The following ATMIN variants were observed in gnomAD, a reference collection of about 807,000 sequenced individuals.
ATMIN encodes the protein ATM INteracting protein.
Under a neutral mutation model 49.2 loss-of-function variants are expected in ATMIN, and 24 were observed. The ratio of observed to expected loss-of-function variants is 0.49; its 90% CI spans 0.35 to 0.69. ATMIN has a LOEUF of 0.69. ATMIN is among the 30% of genes least tolerant of loss of function. The pLI is 0.00. For missense variants in ATMIN, 1,037 were observed against 1,005.5 expected, an observed-to-expected ratio of 1.03 and a Z score of -0.42; for synonymous variants, 450 against 392.5, an observed-to-expected ratio of 1.15 and a Z score of -1.73.
At position 81,041,462 on chromosome 16, in the gene ATMIN, A is replaced by T. The variant is rs775156346; in HGVS notation, c.443A>T (p.Gln148Leu). The T allele has an allele frequency of 1.2e-6, 2 of 1,608,904 alleles. No homozygotes were observed. The highest frequency in any genetic ancestry group is 1.7e-6 in the Non-Finnish European group (2 of 1,178,854). Residue 148 changes from glutamine (Q) to leucine (L), a missense_variant, in exon 2 of 4, where the codon CAG (glutamine) becomes CTG (leucine). By Grantham distance (113) the Gln-to-Leu change is moderately radical. Coordinates refer to ENST00000299575, the MANE Select transcript of ATMIN (RefSeq NM_015251.3). ...CPRGPERPFS[Q>L]FSLVKQHFMK... ...AGAGGCCCTGAGAGACCGTTTTCTC[A>T]GTTTTCTCTCGTAAAACAGGTACTC...
chr16:81,037,602 T>G (rs1181059820), intron 1 of ATMIN: 1 of 671,860 alleles, frequency 1.5e-6, no homozygotes, highest in Non-Finnish European at 1.8e-6. Flanking sequence ...ATACTAAATT[T>G]TAACTAAATC....
At position 81,044,175 on chromosome 16, in the gene ATMIN, T is replaced by A; in HGVS notation, c.1677T>A (p.Ile559=). 1 of 1,614,090 alleles carries A rather than the reference T, an allele frequency of 6.2e-7. No homozygotes were observed. The highest frequency in any genetic ancestry group is 8.5e-7 in the Non-Finnish European group (1 of 1,179,954). ...AGCCTAAGACTTTAAATCAAGATATTGAGAAATCTGCACCAATTATAAATT... is the reference window on the plus strand; with the variant it reads ...AGCCTAAGACTTTAAATCAAGATATAGAGAAATCTGCACCAATTATAAATT... ...QNEPKTLNQD[I]EKSAPIINFS... is the part of the protein sequence containing the mutation. Residue 559 remains isoleucine, a synonymous_variant, in exon 4 of 4, where the codon ATT becomes ATA. Coordinates refer to ENST00000299575, the MANE Select transcript of ATMIN (RefSeq NM_015251.3).
At position 81,045,601 on chromosome 16, in the gene ATMIN, A is replaced by G. The variant is rs1044691055; in HGVS notation, c.*631A>G. 1 of 152,698 alleles carries G rather than the reference A, an allele frequency of 6.5e-6. No homozygotes were observed. The highest frequency in any genetic ancestry group is 1.5e-5 in the Non-Finnish European group (1 of 68,450). The allele number at this position is 152,698 out of a possible 1,614,324, so 9.5% of individuals were successfully genotyped here. On this transcript the variant is annotated 3_prime_UTR_variant, in exon 4 of 4. Coordinates refer to ENST00000299575, the MANE Select transcript of ATMIN (RefSeq NM_015251.3). ...ATGTAATCATTGCCACCTCTTCGCT[A>G]CATGAACTACTATTGATACCAGCAT...
In ATMIN at chr16:81,046,813, C is replaced by T. The variant is rs892306838; in HGVS notation, c.*1843C>T. ...TTTTGCTACTAATTCCTATCCCATA[C>T]ATTTGACACAAAAGAAGTGTTGGTA... On this transcript the variant is annotated 3_prime_UTR_variant, in exon 4 of 4. Coordinates refer to ENST00000299575, the MANE Select transcript of ATMIN (RefSeq NM_015251.3). 6 of 152,632 alleles carry T rather than the reference C, an allele frequency of 3.9e-5. No individual in the cohort carries two copies. Among genetic ancestry groups the T allele is most frequent in the African/African-American group, 1.2e-4 (5 of 41,454 alleles). 9.5% of individuals were successfully genotyped at this position (152,632 alleles called of 1,614,324 possible).
At chr16:81,037,871 C>T (rs1054231697) in intron 1 of ATMIN, among the ~76,000 whole-genome samples, 2 of 151,984 alleles carry the variant, frequency 1.3e-5, no homozygotes, top group African/African-American at 4.8e-5. Context: ...ACTCCTGACC[C>T]TCAGGTGATC....
chr16:81,036,184 T>C lies in ATMIN; in HGVS notation c.314T>C (p.Leu105Pro). 2 of 1,459,696 alleles carry C rather than the reference T, an allele frequency of 1.4e-6. No homozygotes were observed. The highest frequency in any genetic ancestry group is 1.8e-6 in the Non-Finnish European group (2 of 1,099,100). The allele number at this position is 1,459,696 out of a possible 1,614,324, so 90.4% of individuals were successfully genotyped here. A position where few individuals can be genotyped will look rare whatever the true frequency, so the allele number is the denominator to read the frequency against. The change falls in exon 1 of 4, where the codon CTA becomes CCA. Residue 105 changes from leucine (L) to proline (P), a missense_variant. By Grantham distance (98) the Leu-to-Pro change is moderately conservative. Transcript: ENST00000299575. Reference sequence around the variant, plus strand: ...AACAGCCCCGCGCTCAACATGCACCTAGTCAAGAGCCACCGCCTGCAGGTG... The same window carrying C: ...AACAGCCCCGCGCTCAACATGCACCCAGTCAAGAGCCACCGCCTGCAGGTG... ...LPNSPALNMH[L>P]VKSHRLQDGI...
Position 81,044,799 on chromosome 16 carries a change from C to G in ATMIN, c.2301C>G (p.Thr767=), listed in dbSNP as rs1166681233. ...KVQLNSTETQ[T]MSSGFETLGS... ...AGTTGAACAGTACAGAAACACAGAC[C>G]ATGAGTTCTGGGTTTGAAACCCTGG... The change falls in exon 4 of 4, where the codon ACC becomes ACG. Residue 767 remains threonine, a synonymous_variant. Coordinates refer to ENST00000299575, the MANE Select transcript of ATMIN (RefSeq NM_015251.3). 2 of 1,614,050 alleles carry G rather than the reference C, an allele frequency of 1.2e-6. No homozygotes were observed. The highest frequency in any genetic ancestry group is 1.3e-5 in the African/African-American group (1 of 74,908).
chr16:81,037,578 G>T lies in ATMIN; in HGVS notation c.336+1372G>T, dbSNP rs192483252. 1.0e-4 allele frequency: 82 copies of T among 806,832 alleles called. No homozygotes were observed. In the African/African-American group the frequency reaches 1.5e-3, roughly 15 times the overall value. The allele number at this position is 806,832 out of a possible 1,614,324, so 50.0% of individuals were successfully genotyped here. A position where few individuals can be genotyped will look rare whatever the true frequency, so the allele number is the denominator to read the frequency against. On this transcript the variant is annotated intron_variant, in intron 1 of 3. Transcript: ENST00000299575. The stretch of plus-strand genomic sequence containing the variant: ...TAACTCTGGGAATGGCTTTCAACCT[G>T]TTGTTTTGTTTTCATACTAAATTTT...
chr16:81,044,513 C>T lies in ATMIN; in HGVS notation c.2015C>T (p.Thr672Ile). 6.2e-7 allele frequency: 1 copy of T among 1,614,102 alleles called. No individual in the cohort carries two copies. Among genetic ancestry groups the T allele is most frequent in the Non-Finnish European group, 8.5e-7 (1 of 1,180,036 alleles). Residue 672 changes from threonine (T) to isoleucine (I), a missense_variant, in exon 4 of 4, where the codon ACT (threonine) becomes ATT (isoleucine). Transcript: ENST00000299575. ...EPVLESLDIE[T>I]QTDFLLADTS... ...GTCTTGGAGTCACTGGACATAGAGA[C>T]TCAAACGGACTTCTTACTCGCAGAT...
chr16:81,037,620 T>TC, intron 1 of ATMIN: 1 of 547,056 alleles, frequency 1.8e-6, no homozygotes, highest in Non-Finnish European at 2.3e-6. Flanking sequence ...ATCCTTTTCT[T>TC]CCCTATTGTT....
chr16:81,043,967 C>T lies in ATMIN; in HGVS notation c.1469C>T (p.Ser490Phe), dbSNP rs745686701. 7 of 1,614,124 alleles carry T rather than the reference C, an allele frequency of 4.3e-6. No homozygotes were observed. Among genetic ancestry groups the T allele is most frequent in the Non-Finnish European group, 5.9e-6 (7 of 1,180,038 alleles). Reference protein sequence around the residue: ...MDTCFQSGGVSRETQTSGIES... With the variant: ...MDTCFQSGGVFRETQTSGIES... The stretch of plus-strand genomic sequence containing the variant: ...ACCTGTTTCCAGTCAGGTGGGGTCT[C>T]CAGAGAAACTCAAACCAGTGGGATA... The change falls in exon 4 of 4, where the codon TCC (serine) becomes TTC (phenylalanine). Residue 490 changes from serine to phenylalanine, a missense_variant. Coordinates refer to ENST00000299575, the MANE Select transcript of ATMIN (RefSeq NM_015251.3).
chr16:81,036,126 T>G lies in ATMIN; in HGVS notation c.256T>G (p.Cys86Gly). 1 of 1,463,020 alleles carries G rather than the reference T, an allele frequency of 6.8e-7. No individual in the cohort carries two copies. The highest frequency in any genetic ancestry group is 9.1e-7 in the Non-Finnish European group (1 of 1,099,912). The allele number at this position is 1,463,020 out of a possible 1,614,324, so 90.6% of individuals were successfully genotyped here. ...LSRAVRTNILCTVRGCGKILP... is the reference protein window; with the variant it reads ...LSRAVRTNILGTVRGCGKILP... Reference sequence around the variant, plus strand: ...CCGGGCCGTGCGGACCAACATCCTGTGCACCGTGCGCGGCTGCGGCAAGAT... The same window carrying G: ...CCGGGCCGTGCGGACCAACATCCTGGGCACCGTGCGCGGCTGCGGCAAGAT... The change falls in exon 1 of 4, where the codon TGC becomes GGC. Residue 86 changes from cysteine to glycine, a missense_variant. Physicochemically the swap from Cys to Gly is radical, Grantham distance 159. Transcript: ENST00000299575.
rs1226623773 is a variant in ATMIN, at chr16:81,036,365, C to G, written c.336+159C>G. On this transcript the variant is annotated intron_variant, in intron 1 of 3. Coordinates refer to ENST00000299575, the MANE Select transcript of ATMIN (RefSeq NM_015251.3). ...GCCCTCCCCGGCCGGAGGCGGCTCT[C>G]GAACCCTCGCGGCAGGCGCCGCAGG... Among the ~76,000 whole-genome samples the G allele has an allele frequency of 7.2e-5, 11 of 152,042 alleles. No homozygotes were observed. The South Asian group carries it at 2.3e-3, about 32-fold the overall frequency.
Position 81,044,425 on chromosome 16 carries a change from T to A in ATMIN, c.1927T>A (p.Ser643Thr), listed in dbSNP as rs1253411848. Residue 643 changes from serine (S) to threonine (T), a missense_variant, in exon 4 of 4, where the codon TCG becomes ACG. Transcript: ENST00000299575. ...CGATTTTGATATCGAAGAGTTCTTT[T>A]CGGCCTCAAATATCCAGACTCAAAC... ...GIDFDIEEFFSASNIQTQTEE... is the reference protein window; with the variant it reads ...GIDFDIEEFFTASNIQTQTEE... The A allele has an allele frequency of 2.5e-6, 4 of 1,614,044 alleles. No homozygotes were observed. The highest frequency in any genetic ancestry group is 3.4e-6 in the Non-Finnish European group (4 of 1,180,038).
rs544577645 is a variant in ATMIN at position 81,047,281 on chromosome 16, T to G, written c.*2311T>G. 6.6e-6 allele frequency: 1 copy of G among 152,244 alleles called. No individual in the cohort carries two copies. The highest frequency in any genetic ancestry group is 1.5e-5 in the Non-Finnish European group (1 of 68,042). The allele number at this position is 152,244 out of a possible 1,614,324, so 9.4% of individuals were successfully genotyped here. ...TGAACGTACTCATAAATATGACTTA[T>G]TGTATTGCCTTAAGTTTTCACTCAT... On this transcript the variant is annotated 3_prime_UTR_variant, in exon 4 of 4. Transcript: ENST00000299575.
Position 81,036,123 on chromosome 16 carries a change from C to T in ATMIN, c.253C>T (p.Leu85=), listed in dbSNP as rs1184870280. The T allele has an allele frequency of 5.5e-6, 8 of 1,464,000 alleles. No individual in the cohort carries two copies. Among genetic ancestry groups the T allele is most frequent in the Admixed American group, 2.1e-5 (1 of 47,932 alleles). 90.7% of individuals were successfully genotyped at this position (1,464,000 alleles called of 1,614,324 possible). The change falls in exon 1 of 4, where the codon CTG becomes TTG. Residue 85 remains leucine, a synonymous_variant. Coordinates refer to ENST00000299575, the MANE Select transcript of ATMIN (RefSeq NM_015251.3). ...ELSRAVRTNI[L]CTVRGCGKIL... Reference sequence around the variant, plus strand: ...GTCCCGGGCCGTGCGGACCAACATCCTGTGCACCGTGCGCGGCTGCGGCAA... The same window carrying T: ...GTCCCGGGCCGTGCGGACCAACATCTTGTGCACCGTGCGCGGCTGCGGCAA...
At chr16:81,039,268 T>G (rs960009854) in intron 1 of ATMIN, among the ~76,000 whole-genome samples, 1 of 152,206 alleles carries the variant, frequency 6.6e-6, no homozygotes, top group Non-Finnish European at 1.5e-5. Context: ...TTTCTTATAG[T>G]CAGTGGAAAT....
Position 81,045,144 on chromosome 16 carries a change from G to A in ATMIN, c.*174G>A. 4.8e-6 allele frequency: 4 copies of A among 836,544 alleles called. No homozygotes were observed. Among genetic ancestry groups the A allele is most frequent in the East Asian group, 5.5e-5 (2 of 36,670 alleles). 51.8% of individuals were successfully genotyped at this position (836,544 alleles called of 1,614,324 possible). A position where few individuals can be genotyped will look rare whatever the true frequency, so the allele number is the denominator to read the frequency against. On this transcript the variant is annotated 3_prime_UTR_variant, in exon 4 of 4. Transcript: ENST00000299575. ...TAAACAGAAATTTGCGTATAAATGT[G>A]AGTGTATTATAAAGTTTGAGATGTT... is the stretch of plus-strand genomic sequence containing the variant.
chr16:81,036,315 C>T, intron 1 of ATMIN, 109 bp downstream of exon 1: 1 of 998,950 alleles, frequency 1.0e-6, no homozygotes, highest in Non-Finnish European at 1.2e-6. Flanking sequence ...TGCGCGCTGC[C>T]GCTGCCGCTG....
Sources: gnomAD v4.1 joint callset for allele counts (sites outside exome capture counted in the v4.1 genomes callset) on GRCh38, gnomAD v4.1.1 for gene constraint, MANE v1.5 for transcripts, NCBI Gene and HGNC (gene_info 2026-07-23, HGNC 2026-07-21) for gene names.